Variants in ARHGEF3 observed in about 807,000 individuals in gnomAD.
The protein encoded by ARHGEF3 is Rho guanine nucleotide exchange factor 3, also known as 59.8 kDA protein.
ARHGEF3 carries 28 observed loss-of-function variants against 63.2 expected under a neutral mutation model. The ratio of observed to expected loss-of-function variants is 0.44; its 90% CI spans 0.33 to 0.61. ARHGEF3 has a LOEUF of 0.61. Among genes scored for constraint, ARHGEF3 ranks in the 20% least tolerant of loss-of-function variants. The pLI, the probability that ARHGEF3 is intolerant of heterozygous loss-of-function variation, is 0.03. For missense variants in ARHGEF3, 533 were observed against 659.3 expected, an observed-to-expected ratio of 0.81 and a Z score of 2.10; for synonymous variants, 266 against 254.2, an observed-to-expected ratio of 1.05 and a Z score of -0.44.
chr3:56,856,668 T>C (rs1420217412), intron 4 of ARHGEF3, among the ~76,000 whole-genome samples: 1 of 148,224 alleles, frequency 6.7e-6, no homozygotes, highest in Non-Finnish European at 1.5e-5. Flanking sequence ...AGAATTTTCC[T>C]AAAGTGAGCC....
intron 2 of ARHGEF3, among the ~76,000 whole-genome samples, chr3:57,000,069 T>C (rs747799789): frequency 6.6e-6 from 1 of 152,142 alleles, no homozygotes; most frequent in Non-Finnish European, 1.5e-5. Context: ...AGGCAGCATC[T>C]GTATCCTAGG....
At chr3:56,967,872 TATATAATATA>T (rs1416569543) in intron 2 of ARHGEF3, among the ~76,000 whole-genome samples, 12 of 61,694 alleles carry the variant, frequency 1.9e-4, no homozygotes, top group South Asian at 1.6e-3. Context: ...ACATATATAA[TATATAATATA>T]AATATATAAT....
intron 1 of ARHGEF3, among the ~76,000 whole-genome samples, chr3:57,048,810 G>A (rs1704563261): frequency 6.6e-6 from 1 of 152,180 alleles, no homozygotes; most frequent in Non-Finnish European, 1.5e-5. Context: ...CTAATTGCAG[G>A]AGGGGAACAG....
intron 4 of ARHGEF3, among the ~76,000 whole-genome samples, chr3:56,875,063 AT>A (rs2040541322): frequency 6.6e-6 from 1 of 152,184 alleles, no homozygotes; most frequent in Non-Finnish European, 1.5e-5. Context: ...TGCGACTCAG[AT>A]CCAAAAGCTA....
At chr3:57,007,697 C>A (rs985686779) in intron 2 of ARHGEF3, among the ~76,000 whole-genome samples, 1 of 152,168 alleles carries the variant, frequency 6.6e-6, no homozygotes, top group African/African-American at 2.4e-5. Flanking sequence ...GGCCTGACAA[C>A]TGCTCCTGGA....
intron 8 of ARHGEF3, among the ~76,000 whole-genome samples, chr3:56,733,348 C>T (rs1219875726): frequency 3.8e-4 from 20 of 53,320 alleles, no homozygotes; most frequent in Non-Finnish European, 5.7e-4. Flanking sequence ...GGGGGGGGGG[C>T]GCCTGTAATC....
chr3:56,830,203 TG>T (rs2038881826), intron 4 of ARHGEF3, among the ~76,000 whole-genome samples: 1 of 152,118 alleles, frequency 6.6e-6, no homozygotes, highest in Non-Finnish European at 1.5e-5. Context: ...GTAATGACAG[TG>T]GTGACGGTGG....
In ARHGEF3 at chr3:57,017,628, C is replaced by T. The variant is rs116071909; in HGVS notation, c.62+17460G>A. Among the ~76,000 whole-genome samples the T allele has an allele frequency of 5.9e-3, 894 of 152,352 alleles. 16 individuals are homozygous for T. Among genetic ancestry groups the T allele is most frequent in the African/African-American group, 0.021 (856 of 41,576 alleles). On this transcript the variant is annotated intron_variant, in intron 2 of 12. Transcript: ENST00000338458. ...CCCTTCCCTGCCCCCACCAGCTCCA[C>T]GTCTGCAAGGACAGAGATGCCCCCT...
At chr3:56,962,489 A>G (rs1363866313) in intron 2 of ARHGEF3, among the ~76,000 whole-genome samples, 1 of 152,186 alleles carries the variant, frequency 6.6e-6, no homozygotes, top group East Asian at 1.9e-4. Flanking sequence ...GTGTACACAC[A>G]TGGTTACAAA....
intron 2 of ARHGEF3, among the ~76,000 whole-genome samples, chr3:56,756,845 G>A (rs1196433413): frequency 6.6e-6 from 1 of 152,240 alleles, no homozygotes; most frequent in Non-Finnish European, 1.5e-5. Flanking sequence ...CACTGTGTCC[G>A]GCCATAGCTG....
intron 1 of ARHGEF3, among the ~76,000 whole-genome samples, chr3:57,064,199 G>A (rs748145817): frequency 2.0e-5 from 3 of 152,190 alleles, no homozygotes; most frequent in Non-Finnish European, 4.4e-5. Flanking sequence ...AGCCTGGGGG[G>A]TAGAGGTTGC....
chr3:57,041,980 A>AACT (rs1704205482), intron 1 of ARHGEF3, among the ~76,000 whole-genome samples: 1 of 152,162 alleles, frequency 6.6e-6, no homozygotes, highest in Non-Finnish European at 1.5e-5. Flanking sequence ...GTGGCCACTA[A>AACT]ACTGAACCAG....
rs115212553 is a variant in ARHGEF3 at position 56,784,114 on chromosome 3, C to T, written c.97-10298G>A. Among the ~76,000 whole-genome samples the T allele has an allele frequency of 8.5e-4, 130 of 152,334 alleles. 1 individual carries two copies. Among genetic ancestry groups the T allele is most frequent in the African/African-American group, 3.0e-3 (123 of 41,572 alleles). On this transcript the variant is annotated intron_variant, in intron 1 of 9. Coordinates refer to ENST00000296315, the MANE Select transcript of ARHGEF3 (RefSeq NM_019555.3). ...AAGAGGAAGCCAAATATTTAGCTCT[C>T]TCTGCGGTCCCTGGCTCCACATCTG...
intron 2 of ARHGEF3, among the ~76,000 whole-genome samples, chr3:56,996,894 T>A (rs796298839): frequency 6.0e-4 from 89 of 147,290 alleles, no homozygotes; most frequent in African/African-American, 1.1e-3. Context: ...ATTATTATTT[T>A]TTTTTTTTTT....
Position 56,732,251 on chromosome 3 carries a change from G to T in ARHGEF3, c.1215C>A (p.Ser405Arg). The T allele has an allele frequency of 6.2e-7, 1 of 1,614,000 alleles. No individual in the cohort carries two copies. The highest frequency in any genetic ancestry group is 8.5e-7 in the Non-Finnish European group (1 of 1,180,036). The change falls in exon 9 of 10, where the codon AGC (serine) becomes AGA (arginine). Residue 405 changes from serine (S) to arginine (R), a missense_variant. Ser to Arg is a moderately radical substitution (Grantham distance 110). Around this residue, in one of 4 missense-constraint regions of ARHGEF3, gnomAD observed 151 missense variants for 190.7 expected, o/e 0.79. Transcript: ENST00000296315. ...TGCTATCCATACTTCTCTCATTGTT[G>T]CTGAATGCCCCTCGCAGGGAGCCAC... ...RLGGSLRGAF[S>R]NNERIKNFFR... is the part of the protein sequence containing the mutation.
At chr3:56,883,502 GC>G (rs772835362) in intron 3 of ARHGEF3, among the ~76,000 whole-genome samples, 57 of 152,036 alleles carry the variant, frequency 3.7e-4, no homozygotes, top group Admixed American at 1.4e-3. Flanking sequence ...TTGCCATGTT[GC>G]CCAGGCTGGT....
intron 4 of ARHGEF3, among the ~76,000 whole-genome samples, chr3:56,850,867 T>G (rs1479492981): frequency 1.3e-5 from 2 of 152,096 alleles, no homozygotes; most frequent in South Asian, 4.1e-4. Context: ...TCTAATCCTA[T>G]CCTCATAACA....
chr3:56,744,042 A>G (rs1169937418), intron 7 of ARHGEF3, among the ~76,000 whole-genome samples: 1 of 152,144 alleles, frequency 6.6e-6, no homozygotes, highest in African/African-American at 2.4e-5. Flanking sequence ...AAAGGAAAAA[A>G]TCTCTTAAAT....
intron 2 of ARHGEF3, among the ~76,000 whole-genome samples, chr3:57,026,954 T>C (rs961739857): frequency 6.6e-6 from 1 of 152,074 alleles, no homozygotes; most frequent in African/African-American, 2.4e-5. Context: ...TAGTACATAG[T>C]AGGTACTCAA....
Sources: gnomAD v4.1 joint callset for allele counts (sites outside exome capture counted in the v4.1 genomes callset) on GRCh38, gnomAD v4.1.1 for gene constraint, gnomAD v4.1.1 regional missense constraint, MANE v1.5 for transcripts, NCBI Gene and HGNC (gene_info 2026-07-23, HGNC 2026-07-21) for gene names.